DPP6: variants seen among roughly 807,000 people sequenced by gnomAD.
The protein encoded by DPP6 is A-type potassium channel modulatory protein DPP6.
Under a neutral mutation model 122.6 loss-of-function variants are expected in DPP6, and 69 were observed. The ratio of observed to expected loss-of-function variants is 0.56; its 90% CI spans 0.46 to 0.69. The LOEUF is 0.69. Among genes scored for constraint, DPP6 ranks in the 30% least tolerant of loss-of-function variants. DPP6 has a pLI of 0.00. For synonymous variants in DPP6, 418 were observed against 433.1 expected, an observed-to-expected ratio of 0.97 and a Z score of 0.43; for missense variants, 928 against 1,116.9, an observed-to-expected ratio of 0.83 and a Z score of 2.41.
At chr7:154,373,256 T>G (rs1224692788) in intron 1 of DPP6, among the ~76,000 whole-genome samples, 1 of 152,174 alleles carries the variant, frequency 6.6e-6, no homozygotes. Context: ...TCTTCCTAAT[T>G]AATTCATTTT....
chr7:154,640,094 A>C (rs1265924878), intron 6 of DPP6, among the ~76,000 whole-genome samples: 2 of 152,152 alleles, frequency 1.3e-5, no homozygotes, highest in African/African-American at 4.8e-5. Context: ...TCTACTAAAA[A>C]TACAAAAATT....
intron 1 of DPP6, among the ~76,000 whole-genome samples, chr7:154,087,311 T>C (rs1804495336): frequency 1.3e-5 from 2 of 151,994 alleles, no homozygotes; most frequent in South Asian, 4.1e-4. Flanking sequence ...ATGGCACAGA[T>C]TTTAGCTTCA....
At chr7:153,810,835 T>C in the DPP6 span, among the ~76,000 whole-genome samples, 4 of 152,096 alleles carry the variant, frequency 2.6e-5, no homozygotes, top group East Asian at 5.8e-4. Flanking sequence ...ATTAATTTAG[T>C]GATAATGATA....
the DPP6 span, among the ~76,000 whole-genome samples, chr7:153,758,180 C>A: frequency 1.3e-5 from 2 of 152,074 alleles, no homozygotes; most frequent in Admixed American, 1.3e-4. Flanking sequence ...TTCAGGGACT[C>A]TTAATTGGTG....
intron 1 of DPP6, among the ~76,000 whole-genome samples, chr7:154,340,656 C>T (rs1809847092): frequency 6.6e-6 from 1 of 152,094 alleles, no homozygotes; most frequent in South Asian, 2.1e-4. Flanking sequence ...GATATTGAAT[C>T]CAGAAGCACT....
intron 2 of DPP6, among the ~76,000 whole-genome samples, chr7:154,451,608 C>T (rs986480462): frequency 6.6e-6 from 1 of 152,148 alleles, no homozygotes; most frequent in Admixed American, 6.5e-5. Context: ...CCAAGGCAAC[C>T]ACAGCAGCCT....
the DPP6 span, among the ~76,000 whole-genome samples, chr7:153,828,974 A>T: frequency 6.6e-6 from 1 of 152,170 alleles, no homozygotes; most frequent in Non-Finnish European, 1.5e-5. Context: ...CAAAATTGAC[A>T]TTTTTTTGGG....
At chr7:154,568,023 G>C (rs1449210126) in intron 5 of DPP6, among the ~76,000 whole-genome samples, 1 of 152,100 alleles carries the variant, frequency 6.6e-6, no homozygotes, top group African/African-American at 2.4e-5. Context: ...ATTCTATAAA[G>C]GTTTTCATTT....
intron 1 of DPP6, among the ~76,000 whole-genome samples, chr7:154,082,234 C>G (rs1242084024): frequency 6.6e-6 from 1 of 152,102 alleles, no homozygotes; most frequent in Non-Finnish European, 1.5e-5. Flanking sequence ...ATACTTTCAC[C>G]TGCCTGAGTT....
At chr7:153,830,979 T>A in the DPP6 span, among the ~76,000 whole-genome samples, 1 of 152,216 alleles carries the variant, frequency 6.6e-6, no homozygotes, top group African/African-American at 2.4e-5. Context: ...ACATTCTTCC[T>A]ACACTTTTAC....
At chr7:154,428,193 T>C (rs1414544767) in intron 1 of DPP6, among the ~76,000 whole-genome samples, 3 of 152,228 alleles carry the variant, frequency 2.0e-5, no homozygotes, top group Non-Finnish European at 4.4e-5. Context: ...CTTCACAGAC[T>C]TTCATAAAAT....
intron 6 of DPP6, among the ~76,000 whole-genome samples, chr7:154,663,296 C>T (rs1376526721): frequency 8.2e-5 from 4 of 48,984 alleles, no homozygotes; most frequent in African/African-American, 1.2e-4. Context: ...ATCACCATGG[C>T]GTATTGGCCA....
intron 4 of DPP6, among the ~76,000 whole-genome samples, chr7:154,554,941 A>G (rs1259735108): frequency 6.6e-6 from 1 of 152,236 alleles, no homozygotes; most frequent in Admixed American, 6.5e-5. Flanking sequence ...AAGGGATCTG[A>G]TAAAGTTTAT....
intron 7 of DPP6, among the ~76,000 whole-genome samples, chr7:154,706,312 C>T (rs1840827537): frequency 1.3e-5 from 2 of 152,222 alleles, no homozygotes; most frequent in Non-Finnish European, 2.9e-5. Flanking sequence ...TGCTCTCATT[C>T]CCCTTCTTTC....
chr7:154,152,233 AAGG>A (rs1343245780), intron 1 of DPP6, among the ~76,000 whole-genome samples: 7 of 152,062 alleles, frequency 4.6e-5, no homozygotes, highest in African/African-American at 1.7e-4. Context: ...AGAGCAGGTG[AAGG>A]AGGAGACATA....
intron 8 of DPP6, among the ~76,000 whole-genome samples, chr7:154,762,188 C>T (rs1381080718): frequency 1.3e-5 from 2 of 152,188 alleles, no homozygotes; most frequent in African/African-American, 2.4e-5. Context: ...TGAACTATAA[C>T]ACACCCTTTA....
At chr7:154,517,998 TAACA>T (rs1826666925) in intron 3 of DPP6, among the ~76,000 whole-genome samples, 1 of 152,132 alleles carries the variant, frequency 6.6e-6, no homozygotes, top group African/African-American at 2.4e-5. Context: ...TCCCATCAGC[TAACA>T]GGACAGAACT....
chr7:154,329,865 C>T (rs927773218), intron 1 of DPP6, among the ~76,000 whole-genome samples: 1 of 152,174 alleles, frequency 6.6e-6, no homozygotes, highest in African/African-American at 2.4e-5. Flanking sequence ...AGAATGAGTT[C>T]ATGTCCTTTG....
chr7:154,806,271 G>T (rs1248055022), intron 15 of DPP6, among the ~76,000 whole-genome samples: 1 of 152,234 alleles, frequency 6.6e-6, no homozygotes, highest in Non-Finnish European at 1.5e-5. Flanking sequence ...CCTATGGTTA[G>T]AGGGGACCCT....
Sources: allele counts gnomAD v4.1 joint callset (sites outside exome capture counted in the v4.1 genomes callset), GRCh38; gene constraint gnomAD v4.1.1; transcripts MANE v1.5; gene names NCBI Gene and HGNC (gene_info 2026-07-23, HGNC 2026-07-21).